Variants in TRIO observed in about 807,000 individuals in gnomAD.
The protein encoded by TRIO is trio Rho guanine nucleotide exchange factor.
A neutral mutation model predicts 351.9 loss-of-function variants in TRIO; 58 were observed. The ratio of observed to expected loss-of-function variants is 0.16; its 90% CI spans 0.13 to 0.21. TRIO has a LOEUF of 0.21. TRIO is among the 10% of genes least tolerant of loss of function. The pLI is 1.00. For synonymous variants in TRIO, 1,758 were observed against 1,595.7 expected, an observed-to-expected ratio of 1.10 and a Z score of -2.42; for missense variants, 3,201 against 4,027.8, an observed-to-expected ratio of 0.79 and a Z score of 5.56.
intron 1 of TRIO, among the ~76,000 whole-genome samples, chr5:14,249,347 T>TA (rs1297177981): frequency 1.3e-5 from 2 of 152,216 alleles, no homozygotes; most frequent in East Asian, 3.8e-4. Flanking sequence ...GCCCATTTGT[T>TA]ACTACCCATC....
At chr5:14,482,549 C>T (rs751776765) in intron 45 of TRIO, 33 bp from the exon 46 acceptor site, 2 of 1,402,850 alleles carry the variant, frequency 1.4e-6, no homozygotes, top group Non-Finnish European at 1.9e-6. Flanking sequence ...TTTTCTTCTC[C>T]CCTTCCTTTT....
At chr5:14,256,079 TG>T (rs375526843) in intron 1 of TRIO, among the ~76,000 whole-genome samples, 19 of 152,356 alleles carry the variant, frequency 1.2e-4, no homozygotes, top group African/African-American at 4.1e-4. Context: ...AGGTTTATTT[TG>T]GCTCATTGTT....
At chr5:14,484,555 AACTTC>A (rs2126621438) in intron 46 of TRIO, among the ~76,000 whole-genome samples, 1 of 152,354 alleles carries the variant, frequency 6.6e-6, no homozygotes, top group Admixed American at 6.5e-5. Flanking sequence ...AGTTAGGATG[AACTTC>A]ACTTTGCACT....
chr5:14,425,634 G>A (rs987693522), intron 34 of TRIO, among the ~76,000 whole-genome samples: 1 of 152,126 alleles, frequency 6.6e-6, no homozygotes, highest in Non-Finnish European at 1.5e-5. Context: ...TCCAAAATCC[G>A]TATGTTGAAA....
chr5:14,396,551 C>G (rs528637025), intron 28 of TRIO, among the ~76,000 whole-genome samples: 5 of 135,850 alleles, frequency 3.7e-5, no homozygotes, highest in Non-Finnish European at 7.6e-5. Flanking sequence ...CTCACTGCAG[C>G]CTCCACCTCC....
At position 14,485,182 on chromosome 5, in the gene TRIO, T is replaced by C; in HGVS notation, c.6771T>C (p.Ser2257=). 1 of 1,590,168 alleles carries C rather than the reference T, an allele frequency of 6.3e-7. No individual in the cohort carries two copies. Among genetic ancestry groups the C allele is most frequent in the Non-Finnish European group, 8.6e-7 (1 of 1,161,008 alleles). The change falls in exon 47 of 57, where the codon AGT becomes AGC. Residue 2257 remains serine, a synonymous_variant. Transcript: ENST00000344204. ...TCATTTTGCATTCATCTAGTCCAAG[T>C]GTCCGGCAAACTTGGATCCATGAAA... ...ETFILHSSSP[S]VRQTWIHEIN...
At chr5:14,382,649 C>T (rs1746208478) in intron 21 of TRIO, among the ~76,000 whole-genome samples, 1 of 152,250 alleles carries the variant, frequency 6.6e-6, no homozygotes, top group Admixed American at 6.5e-5. Context: ...GCTTTTCCTC[C>T]TCCACATACA....
intron 1 of TRIO, among the ~76,000 whole-genome samples, chr5:14,231,529 C>G (rs1280248918): frequency 6.6e-6 from 1 of 152,168 alleles, no homozygotes; most frequent in Non-Finnish European, 1.5e-5. Context: ...CTGTTGTTAA[C>G]ACCTCTCTCT....
rs142067570 is a variant in TRIO, at chr5:14,265,984, G to A, written c.158-4841G>A. Among the ~76,000 whole-genome samples the A allele has an allele frequency of 4.6e-5, 7 of 152,268 alleles. No homozygotes were observed. The East Asian group carries it at 1.2e-3, about 25-fold the overall frequency. On this transcript the variant is annotated intron_variant, in intron 1 of 56. Transcript: ENST00000344204. Reference sequence around the variant, plus strand: ...TTCTTGGGTAGGGGTTCAGGGTCAAGATGCTGTGGAAATATATTTATTTGT... The same window carrying A: ...TTCTTGGGTAGGGGTTCAGGGTCAAAATGCTGTGGAAATATATTTATTTGT...
chr5:14,379,962 C>A (rs929502484), intron 20 of TRIO, among the ~76,000 whole-genome samples: 1 of 152,192 alleles, frequency 6.6e-6, no homozygotes, highest in East Asian at 1.9e-4. Flanking sequence ...CTGCTGGCCA[C>A]CCACCCCAGG....
intron 48 of TRIO, among the ~76,000 whole-genome samples, chr5:14,490,050 G>T (rs1049108873): frequency 2.6e-5 from 4 of 152,142 alleles, no homozygotes; most frequent in Admixed American, 2.6e-4. Context: ...AGGCCGAGAC[G>T]GGCAGATCAC....
intron 1 of TRIO, among the ~76,000 whole-genome samples, chr5:14,189,785 CA>C: frequency 6.6e-6 from 1 of 151,300 alleles, no homozygotes; most frequent in Non-Finnish European, 1.5e-5. Context: ...GGCTGGAGTG[CA>C]GTGGCCTGAT....
At chr5:14,429,197 G>T (rs533739774) in intron 34 of TRIO, among the ~76,000 whole-genome samples, 34 of 152,150 alleles carry the variant, frequency 2.2e-4, no homozygotes, top group Admixed American at 2.6e-4. Flanking sequence ...ATATAATTCC[G>T]CAGGGTGGGT....
intron 34 of TRIO, among the ~76,000 whole-genome samples, chr5:14,446,158 C>T (rs968009912): frequency 6.6e-6 from 1 of 152,158 alleles, no homozygotes; most frequent in Non-Finnish European, 1.5e-5. Flanking sequence ...CCCTCGCTCC[C>T]TTCCTCTATC....
chr5:14,207,262 T>TACACACACAC (rs56915481), intron 1 of TRIO, among the ~76,000 whole-genome samples: 2,286 of 45,948 alleles, frequency 0.05, 348 homozygotes, highest in African/African-American at 0.13. Context: ...AGATGGTCTC[T>TACACACACAC]ACACACACAC....
At chr5:14,446,568 C>T (rs576013439) in intron 34 of TRIO, among the ~76,000 whole-genome samples, 1 of 152,074 alleles carries the variant, frequency 6.6e-6, no homozygotes, top group Non-Finnish European at 1.5e-5. Context: ...TCCCGTAATG[C>T]TTTGTGTGCT....
chr5:14,302,866 A>T (rs1298934553), intron 7 of TRIO, among the ~76,000 whole-genome samples: 1 of 152,254 alleles, frequency 6.6e-6, no homozygotes, highest in Non-Finnish European at 1.5e-5. Context: ...GTTTGGCTTA[A>T]TTGAATTAGC....
chr5:14,485,156 T>C lies in TRIO; in HGVS notation c.6745T>C (p.Phe2249Leu). 1 of 1,596,636 alleles carries C rather than the reference T, an allele frequency of 6.3e-7. No homozygotes were observed. The highest frequency in any genetic ancestry group is 8.6e-7 in the Non-Finnish European group (1 of 1,165,794). Reference sequence around the variant, plus strand: ...GAGGACGGGTGACGTGGTAGAGACCTTCATTTTGCATTCATCTAGTCCAAG... The same window carrying C: ...GAGGACGGGTGACGTGGTAGAGACCCTCATTTTGCATTCATCTAGTCCAAG... ...TSRTGDVVET[F>L]ILHSSSPSVR... The change falls in exon 47 of 57, where the codon TTC (phenylalanine) becomes CTC (leucine). Residue 2249 changes from phenylalanine (F) to leucine (L), a missense_variant. This residue lies in a region of TRIO where 1,089 missense variants were observed against 954.9 expected (regional missense o/e 1.14). Transcript: ENST00000344204.
At position 14,393,995 on chromosome 5, in the gene TRIO, T is replaced by C. The variant is rs769524585; in HGVS notation, c.4219-43T>C. On this transcript the variant is annotated intron_variant, in intron 27 of 56. Coordinates refer to ENST00000344204, the MANE Select transcript of TRIO (RefSeq NM_007118.4). ...GTTTTATGGCCATGATTTAATAGTG[T>C]AGCCCTATGATAACTCTTGTTTCTT... 8 of 1,352,198 alleles carry C rather than the reference T, an allele frequency of 5.9e-6. No individual in the cohort carries two copies. In the South Asian group the frequency reaches 7.2e-5, roughly 12 times the overall value. The allele number at this position is 1,352,198 out of a possible 1,614,324, so 83.8% of individuals were successfully genotyped here. A position where few individuals can be genotyped will look rare whatever the true frequency, so the allele number is the denominator to read the frequency against.
Sources: allele counts gnomAD v4.1 joint callset (sites outside exome capture counted in the v4.1 genomes callset), GRCh38; gene constraint gnomAD v4.1.1; regional missense constraint gnomAD v4.1.1; transcripts MANE v1.5; gene names NCBI Gene and HGNC (gene_info 2026-07-23, HGNC 2026-07-21).